SHISA9: variants seen among roughly 807,000 people sequenced by gnomAD.
SHISA9 encodes the protein shisa family member 9, also known as protein shisa-9.
A neutral mutation model predicts 38.0 loss-of-function variants in SHISA9; 13 were observed. The ratio of observed to expected loss-of-function variants is 0.34; its 90% CI spans 0.22 to 0.54. The LOEUF (loss-of-function observed/expected upper bound fraction) is 0.54. Among genes scored for constraint, SHISA9 ranks in the 20% least tolerant of loss-of-function variants. The pLI, the probability that SHISA9 is intolerant of heterozygous loss-of-function variation, is 0.91. For synonymous variants in SHISA9, 275 were observed against 242.0 expected, an observed-to-expected ratio of 1.14 and a Z score of -1.27; for missense variants, 538 against 575.8, an observed-to-expected ratio of 0.93 and a Z score of 0.67.
chr16:13,515,242 A>G, the SHISA9 span, among the ~76,000 whole-genome samples: 2 of 152,148 alleles, frequency 1.3e-5, no homozygotes, highest in African/African-American at 2.4e-5. Context: ...CTTTCCAGAC[A>G]TACAAAATCT....
chr16:13,059,376 C>T (rs1390914988), intron 2 of SHISA9, among the ~76,000 whole-genome samples: 2 of 152,076 alleles, frequency 1.3e-5, no homozygotes, highest in Non-Finnish European at 2.9e-5. Flanking sequence ...ATCTGCCCAC[C>T]TCGGCCTCCC....
At chr16:13,389,445 T>C in the SHISA9 span, among the ~76,000 whole-genome samples, 932 of 152,304 alleles carry the variant, frequency 6.1e-3, 15 homozygotes, top group African/African-American at 0.022. Flanking sequence ...ATGGTAAAAG[T>C]GGAAAGCAGT....
intron 2 of SHISA9, among the ~76,000 whole-genome samples, chr16:13,021,056 A>T (rs1313099764): frequency 1.3e-5 from 2 of 152,192 alleles, no homozygotes; most frequent in African/African-American, 4.8e-5. Context: ...GGGTGAATTA[A>T]GGAGATGTTG....
intron 2 of SHISA9, among the ~76,000 whole-genome samples, chr16:13,159,096 A>G (rs1356182137): frequency 1.3e-5 from 2 of 151,806 alleles, no homozygotes; most frequent in Non-Finnish European, 2.9e-5. Flanking sequence ...AAACAACAAA[A>G]GAAAACCCAG....
At chr16:13,370,872 A>G in the SHISA9 span, among the ~76,000 whole-genome samples, 2 of 152,182 alleles carry the variant, frequency 1.3e-5, no homozygotes, top group African/African-American at 2.4e-5. Context: ...AAATAATAAT[A>G]ATAATAGCAA....
intron 2 of SHISA9, among the ~76,000 whole-genome samples, chr16:13,015,649 G>T (rs966426538): frequency 2.0e-5 from 3 of 152,148 alleles, no homozygotes; most frequent in Non-Finnish European, 4.4e-5. Flanking sequence ...CTAAAGGCAT[G>T]CAGGCTTCCT....
At chr16:13,019,935 C>CT (rs1386391729) in intron 2 of SHISA9, among the ~76,000 whole-genome samples, 4 of 92,184 alleles carry the variant, frequency 4.3e-5, no homozygotes, top group South Asian at 8.7e-4. Flanking sequence ...TTCTTTCTTT[C>CT]TTTCTTTCTT....
the SHISA9 span, chr16:13,331,644 T>A: frequency 6.6e-6 from 1 of 152,214 alleles, no homozygotes; most frequent in African/African-American, 2.4e-5. Flanking sequence ...AATATCCCCC[T>A]CCTTGGCTTC....
At chr16:12,975,060 A>G (rs551549385) in intron 2 of SHISA9, among the ~76,000 whole-genome samples, 4 of 152,218 alleles carry the variant, frequency 2.6e-5, no homozygotes, top group Non-Finnish European at 5.9e-5. Flanking sequence ...TTTGTTGAGC[A>G]CCTGTTGTGA....
the SHISA9 span, among the ~76,000 whole-genome samples, chr16:13,351,850 A>G: frequency 5.3e-5 from 8 of 152,218 alleles, no homozygotes; most frequent in East Asian, 1.5e-3. Context: ...TCCAGGCAAG[A>G]AACATGAGAT....
intron 2 of SHISA9, among the ~76,000 whole-genome samples, chr16:12,995,150 C>T (rs1047270746): frequency 1.3e-5 from 2 of 151,898 alleles, no homozygotes; most frequent in Non-Finnish European, 2.9e-5. Flanking sequence ...TATTTTGAAA[C>T]ATGTGTGCAA....
chr16:13,170,869 C>G (rs1236335247), intron 2 of SHISA9, among the ~76,000 whole-genome samples: 2 of 152,186 alleles, frequency 1.3e-5, no homozygotes, highest in South Asian at 2.1e-4. Flanking sequence ...GTTGGGCAGG[C>G]TGGTCTCCAA....
chr16:13,390,170 TTC>T, the SHISA9 span, among the ~76,000 whole-genome samples: 510 of 152,108 alleles, frequency 3.4e-3, 5 homozygotes, highest in African/African-American at 0.011. Flanking sequence ...AAGGGATTTT[TTC>T]TCTCTCTCTT....
chr16:12,958,975 A>AG, intron 2 of SHISA9, among the ~76,000 whole-genome samples: 1 of 152,302 alleles, frequency 6.6e-6, no homozygotes, highest in East Asian at 1.9e-4. Flanking sequence ...TGGCTGGTAT[A>AG]GGGGGCAATG....
intron 4 of SHISA9, among the ~76,000 whole-genome samples, chr16:13,234,140 A>G (rs892622090): frequency 1.3e-5 from 2 of 152,240 alleles, no homozygotes; most frequent in African/African-American, 2.4e-5. Context: ...ATATTGGCAC[A>G]ATTAGAACAC....
At chr16:13,499,462 A>G in the SHISA9 span, among the ~76,000 whole-genome samples, 2 of 152,164 alleles carry the variant, frequency 1.3e-5, no homozygotes, top group Admixed American at 1.3e-4. Flanking sequence ...GTAAATAAAT[A>G]CCTCTACAAA....
chr16:12,921,383 C>A (rs563882547), intron 2 of SHISA9, among the ~76,000 whole-genome samples: 9 of 152,286 alleles, frequency 5.9e-5, no homozygotes, highest in African/African-American at 1.9e-4. Context: ...CTGTATAGCT[C>A]ATATCTAGGA....
At chr16:13,114,771 T>A (rs1187058371) in intron 2 of SHISA9, among the ~76,000 whole-genome samples, 1 of 152,200 alleles carries the variant, frequency 6.6e-6, no homozygotes, top group African/African-American at 2.4e-5. Context: ...GTGTCCATAA[T>A]CTGTATGTGT....
At chr16:13,434,104 C>T in the SHISA9 span, among the ~76,000 whole-genome samples, 1 of 152,118 alleles carries the variant, frequency 6.6e-6, no homozygotes. Flanking sequence ...CCAAGAGTCC[C>T]AAAGCTGAAG....
Sources: allele counts gnomAD v4.1 joint callset (sites outside exome capture counted in the v4.1 genomes callset), GRCh38; gene constraint gnomAD v4.1.1; transcripts MANE v1.5; gene names NCBI Gene and HGNC (gene_info 2026-07-23, HGNC 2026-07-21).